The following GALNT13 variants were observed in gnomAD, a reference collection of about 807,000 sequenced individuals.
The protein encoded by GALNT13 is polypeptide N-acetylgalactosaminyltransferase 13.
In GALNT13, 28 loss-of-function variants were observed where a neutral mutation model predicts 64.2. That is an observed-to-expected ratio of 0.44 (90% CI 0.32 to 0.60). The LOEUF is 0.60. Ranked by LOEUF, GALNT13 falls within the 20% of genes least tolerant of loss-of-function variation. The pLI is 0.05. For missense variants in GALNT13, 577 were observed against 669.8 expected, an observed-to-expected ratio of 0.86 and a Z score of 1.53; for synonymous variants, 214 against 224.6, an observed-to-expected ratio of 0.95 and a Z score of 0.42.
the GALNT13 span, among the ~76,000 whole-genome samples, chr2:153,702,202 G>T: frequency 6.6e-6 from 1 of 152,132 alleles, no homozygotes; most frequent in African/African-American, 2.4e-5. Flanking sequence ...AAAGCTGGAT[G>T]GATGAAGCTG....
the GALNT13 span, among the ~76,000 whole-genome samples, chr2:153,445,439 A>T: frequency 2.7e-4 from 41 of 152,236 alleles, no homozygotes; most frequent in African/African-American, 9.1e-4. Flanking sequence ...GTGCAGTGGT[A>T]TGATCATGGT....
At chr2:153,523,030 G>T in the GALNT13 span, among the ~76,000 whole-genome samples, 29 of 141,182 alleles carry the variant, frequency 2.1e-4, 1 homozygote, top group Non-Finnish European at 3.6e-4. Flanking sequence ...AGGATGCAAG[G>T]TCTGTGTTTA....
intron 3 of GALNT13, among the ~76,000 whole-genome samples, chr2:154,105,653 T>A (rs183936781): frequency 6.6e-6 from 1 of 152,262 alleles, no homozygotes; most frequent in East Asian, 1.9e-4. Flanking sequence ...ATGACTGTAT[T>A]TATAATAAAC....
chr2:153,096,741 A>G, the GALNT13 span, among the ~76,000 whole-genome samples: 1 of 152,010 alleles, frequency 6.6e-6, no homozygotes. Context: ...TTTATTTTCA[A>G]TCTGTGTATG....
the GALNT13 span, among the ~76,000 whole-genome samples, chr2:153,719,811 C>T: frequency 1.1e-4 from 17 of 151,720 alleles, no homozygotes; most frequent in South Asian, 4.2e-4. Flanking sequence ...GAGGGTCCTA[C>T]GCCCACGGAA....
chr2:154,002,413 A>G (rs1187511216), intron 3 of GALNT13, among the ~76,000 whole-genome samples: 1 of 151,384 alleles, frequency 6.6e-6, no homozygotes, highest in Non-Finnish European at 1.5e-5. Context: ...AAGCTCACTG[A>G]TTCTCTTCTC....
chr2:153,765,865 T>C, the GALNT13 span, among the ~76,000 whole-genome samples: 3 of 152,172 alleles, frequency 2.0e-5, no homozygotes, highest in Non-Finnish European at 4.4e-5. Flanking sequence ...CTGATGGTTT[T>C]ATAAATGGGA....
chr2:153,819,898 G>T, the GALNT13 span, among the ~76,000 whole-genome samples: 1 of 152,216 alleles, frequency 6.6e-6, no homozygotes, highest in Admixed American at 6.5e-5. Flanking sequence ...CTCTTCAGCA[G>T]TGGGTCCTAA....
intron 3 of GALNT13, among the ~76,000 whole-genome samples, chr2:153,987,490 C>T (rs549868735): frequency 1.3e-5 from 2 of 151,824 alleles, no homozygotes; most frequent in African/African-American, 2.4e-5. Context: ...AATGATCTCA[C>T]GCTTCAATGG....
chr2:154,019,494 T>G (rs1409004298), intron 3 of GALNT13, among the ~76,000 whole-genome samples: 2 of 151,108 alleles, frequency 1.3e-5, no homozygotes, highest in Non-Finnish European at 2.9e-5. Context: ...ATTAGCTGGG[T>G]GTGGTGACGC....
At chr2:153,699,604 TAAA>T in the GALNT13 span, among the ~76,000 whole-genome samples, 2 of 150,986 alleles carry the variant, frequency 1.3e-5, no homozygotes, top group African/African-American at 4.9e-5. Context: ...GCTAGACTAA[TAAA>T]GAAGAAAAGA....
the GALNT13 span, among the ~76,000 whole-genome samples, chr2:153,242,695 T>C: frequency 6.6e-6 from 1 of 152,206 alleles, no homozygotes; most frequent in East Asian, 1.9e-4. Flanking sequence ...CATGTTTTTC[T>C]GAAAAAAGTG....
chr2:154,299,985 A>G (rs1056997902), intron 8 of GALNT13, among the ~76,000 whole-genome samples: 4 of 152,082 alleles, frequency 2.6e-5, no homozygotes, highest in South Asian at 2.1e-4. Context: ...TTATCTTCTG[A>G]TAAAAAAAGT....
chr2:153,397,499 G>A, the GALNT13 span, among the ~76,000 whole-genome samples: 1 of 152,040 alleles, frequency 6.6e-6, no homozygotes, highest in African/African-American at 2.4e-5. Flanking sequence ...TCAGAGTGTG[G>A]GGAAAGTCTA....
Position 154,290,331 on chromosome 2 carries a change from G to A in GALNT13, c.976-11078G>A, listed in dbSNP as rs541163343. ...AGTCTCTCTTTAATGAGAGATTGCA[G>A]AAATTTATCTCAAAAGCAAGCCAAG... On this transcript the variant is annotated intron_variant, in intron 8 of 12. Coordinates refer to ENST00000392825, the MANE Select transcript of GALNT13 (RefSeq NM_052917.4). Among the ~76,000 whole-genome samples, 13 of 152,294 alleles carry A rather than the reference G, an allele frequency of 8.5e-5. No individual in the cohort carries two copies. In the East Asian group the frequency reaches 2.3e-3, roughly 27 times the overall value.
chr2:154,319,164 A>C, intron 9 of GALNT13, among the ~76,000 whole-genome samples: 1 of 152,212 alleles, frequency 6.6e-6, no homozygotes. Flanking sequence ...GTATGGGGAA[A>C]TTAAGAAAAT....
At chr2:153,102,283 G>T in the GALNT13 span, among the ~76,000 whole-genome samples, 42 of 142,770 alleles carry the variant, frequency 2.9e-4, no homozygotes, top group Admixed American at 1.5e-3. Flanking sequence ...ATCTAACCCA[G>T]AAAAATCATT....
intron 10 of GALNT13, among the ~76,000 whole-genome samples, chr2:154,408,201 T>G (rs1699639177): frequency 6.6e-6 from 1 of 152,114 alleles, no homozygotes; most frequent in African/African-American, 2.4e-5. Flanking sequence ...TGTTCTTGAT[T>G]CAGTGAGATT....
At chr2:153,295,593 C>G in the GALNT13 span, among the ~76,000 whole-genome samples, 1 of 151,078 alleles carries the variant, frequency 6.6e-6, no homozygotes, top group African/African-American at 2.4e-5. Flanking sequence ...ATTTGGAATT[C>G]TGTAATTTAA....
Sources: allele counts gnomAD v4.1 joint callset (sites outside exome capture counted in the v4.1 genomes callset), GRCh38; gene constraint gnomAD v4.1.1; transcripts MANE v1.5; gene names NCBI Gene and HGNC (gene_info 2026-07-23, HGNC 2026-07-21).